The following DTNB variants were observed in gnomAD, a reference collection of about 807,000 sequenced individuals.
DTNB encodes the protein DTN-B.
Under a neutral mutation model 90.7 loss-of-function variants are expected in DTNB, and 63 were observed. The ratio of observed to expected loss-of-function variants is 0.69; its 90% CI spans 0.57 to 0.86. DTNB has a LOEUF of 0.86. DTNB is among the 40% of genes least tolerant of loss of function. DTNB has a pLI of 0.00. For synonymous variants in DTNB, 277 were observed against 286.7 expected (o/e 0.97, Z 0.34); for missense variants, 744 against 807.1 (o/e 0.92, Z 0.95).
intron 6 of DTNB, among the ~76,000 whole-genome samples, chr2:25,589,821 T>G (rs1180551801): frequency 6.6e-6 from 1 of 152,180 alleles, no homozygotes; most frequent in Non-Finnish European, 1.5e-5. Context: ...GAGTTTTGCT[T>G]GGGCCCACTG....
chr2:25,578,339 G>C (rs1388171280), intron 7 of DTNB, among the ~76,000 whole-genome samples: 1 of 152,176 alleles, frequency 6.6e-6, no homozygotes, highest in African/African-American at 2.4e-5. Flanking sequence ...CTAATTAAGA[G>C]CATGTGCTCC....
chr2:25,524,191 G>C (rs144620413), intron 9 of DTNB, among the ~76,000 whole-genome samples: 1 of 151,950 alleles, frequency 6.6e-6, no homozygotes, highest in African/African-American at 2.4e-5. Flanking sequence ...ATGAGCCACC[G>C]TGCCCGGCCC....
intron 9 of DTNB, among the ~76,000 whole-genome samples, chr2:25,520,928 T>C (rs2076024055): frequency 6.6e-6 from 1 of 152,234 alleles, no homozygotes; most frequent in Admixed American, 6.5e-5. Context: ...TTTAATTATC[T>C]AGGTTAATTC....
chr2:25,663,354 A>G (rs987511172), intron 1 of DTNB, among the ~76,000 whole-genome samples: 2 of 152,122 alleles, frequency 1.3e-5, no homozygotes, highest in Non-Finnish European at 2.9e-5. Context: ...GCTATTGTAA[A>G]TAGTGCTGCA....
At chr2:25,514,681 CTTTTTT>C (rs560287104) in intron 9 of DTNB, among the ~76,000 whole-genome samples, 1 of 98,862 alleles carries the variant, frequency 1.0e-5, no homozygotes, top group Admixed American at 1.1e-4. Flanking sequence ...TGAAAAAAAT[CTTTTTT>C]TTTTTTTTTT....
chr2:25,389,437 A>C (rs573757117), intron 16 of DTNB, among the ~76,000 whole-genome samples: 13 of 152,386 alleles, frequency 8.5e-5, no homozygotes, highest in African/African-American at 3.1e-4. Flanking sequence ...GAGAAAGGAC[A>C]CATGGTAAAC....
intron 8 of DTNB, among the ~76,000 whole-genome samples, chr2:25,538,643 G>T (rs953297427): frequency 6.6e-6 from 1 of 151,802 alleles, no homozygotes; most frequent in Non-Finnish European, 1.5e-5. Flanking sequence ...GTAGAGACGG[G>T]GTTTCACCAT....
At chr2:25,585,032 A>G (rs1244453910) in intron 6 of DTNB, among the ~76,000 whole-genome samples, 1 of 152,208 alleles carries the variant, frequency 6.6e-6, no homozygotes, top group Non-Finnish European at 1.5e-5. Flanking sequence ...TAATTTTATG[A>G]AAGGCAGGTT....
At chr2:25,635,011 C>T (rs1012292516) in intron 3 of DTNB, among the ~76,000 whole-genome samples, 1 of 142,032 alleles carries the variant, frequency 7.0e-6, no homozygotes, top group African/African-American at 2.6e-5. Flanking sequence ...TCCTATGACC[C>T]TGCCAAATCC....
intron 10 of DTNB, among the ~76,000 whole-genome samples, chr2:25,478,851 C>A (rs185221584): frequency 6.6e-6 from 1 of 152,160 alleles, no homozygotes; most frequent in Non-Finnish European, 1.5e-5. Context: ...CCTGGAGGGG[C>A]AAGGCTGTAG....
chr2:25,534,775 G>T, intron 8 of DTNB, among the ~76,000 whole-genome samples: 1 of 149,616 alleles, frequency 6.7e-6, no homozygotes, highest in East Asian at 2.0e-4. Flanking sequence ...TCACCTCCCA[G>T]ACAGGGTGGC....
intron 16 of DTNB, among the ~76,000 whole-genome samples, chr2:25,401,814 T>C (rs1276516964): frequency 6.6e-6 from 1 of 152,206 alleles, no homozygotes; most frequent in Non-Finnish European, 1.5e-5. Flanking sequence ...GGTAACAGAA[T>C]GGAAGACACT....
At chr2:25,617,430 G>A (rs553755488) in intron 4 of DTNB, among the ~76,000 whole-genome samples, 4 of 152,184 alleles carry the variant, frequency 2.6e-5, no homozygotes, top group Admixed American at 2.6e-4. Flanking sequence ...CAGTGGGCTC[G>A]AGGTGTTAAT....
At chr2:25,524,998 T>C (rs899229305) in intron 9 of DTNB, among the ~76,000 whole-genome samples, 3 of 152,200 alleles carry the variant, frequency 2.0e-5, no homozygotes, top group Non-Finnish European at 4.4e-5. Flanking sequence ...AGCAGCACTG[T>C]AGGCTATAGT....
intron 3 of DTNB, among the ~76,000 whole-genome samples, chr2:25,634,928 G>A (rs1042585153): frequency 1.7e-4 from 21 of 122,218 alleles, no homozygotes; most frequent in Middle Eastern, 3.8e-3. Context: ...GCGGAAGGCC[G>A]CAGGGTCCTC....
At chr2:25,577,490 T>C (rs1204179104) in intron 7 of DTNB, among the ~76,000 whole-genome samples, 1 of 151,542 alleles carries the variant, frequency 6.6e-6, no homozygotes, top group Non-Finnish European at 1.5e-5. Flanking sequence ...AATTGTCTGC[T>C]AGTCTAACTA....
rs575438766 is a variant in DTNB, at chr2:25,534,565, C to T, written c.877-2968G>A. On this transcript the variant is annotated intron_variant, in intron 8 of 20. Transcript: ENST00000406818. ...CCCAGATGGGGCGGCCTGGCAGAGG[C>T]GCTCCTTCACTTCCCAGACGGGGCG... Among the ~76,000 whole-genome samples, 203 of 151,776 alleles carry T rather than the reference C, an allele frequency of 1.3e-3. 1 individual carries two copies. Among genetic ancestry groups the T allele is most frequent in the African/African-American group, 3.2e-3 (133 of 41,376 alleles).
intron 11 of DTNB, among the ~76,000 whole-genome samples, chr2:25,452,650 T>C (rs1397698830): frequency 6.6e-6 from 1 of 152,024 alleles, no homozygotes; most frequent in African/African-American, 2.4e-5. Flanking sequence ...TTTGTTATAA[T>C]TACTGAGGGG....
At chr2:25,571,434 T>C (rs2059849207) in intron 8 of DTNB, among the ~76,000 whole-genome samples, 1 of 152,212 alleles carries the variant, frequency 6.6e-6, no homozygotes, top group African/African-American at 2.4e-5. Context: ...CCCACATTAA[T>C]GTTTTCACCT....
Sources: gnomAD v4.1 joint callset for allele counts (sites outside exome capture counted in the v4.1 genomes callset) on GRCh38, gnomAD v4.1.1 for gene constraint, MANE v1.5 for transcripts, NCBI Gene and HGNC (gene_info 2026-07-23, HGNC 2026-07-21) for gene names.